Variants in MINDY3 observed in about 807,000 individuals in gnomAD.
The protein encoded by MINDY3 is ubiquitin carboxyl-terminal hydrolase MINDY-3.
Under a neutral mutation model 69.2 loss-of-function variants are expected in MINDY3, and 38 were observed. That is an observed-to-expected ratio of 0.55 (90% CI 0.42 to 0.72). The LOEUF (loss-of-function observed/expected upper bound fraction) is 0.72. MINDY3 is among the 30% of genes least tolerant of loss of function. The pLI is 0.00. For missense variants in MINDY3, 522 were observed against 519.0 expected (o/e 1.01, Z -0.06); for synonymous variants, 192 against 180.1 (o/e 1.07, Z -0.53).
chr10:15,843,251 G>A lies in MINDY3; in HGVS notation c.196C>T (p.Leu66=), dbSNP rs1833605509. The A allele has an allele frequency of 6.2e-7, 1 of 1,612,728 alleles. No individual in the cohort carries two copies. ...PVQAFLLKKL[L]FSSEKSSWRD... ...CAAGAAGACTTCTCCGAAGAAAACA[G>A]GAGCTTCTTCAAAAGAAATGCCTTT... is the stretch of plus-strand genomic sequence containing the variant. Residue 66 remains leucine, a synonymous_variant, in exon 3 of 15, where the codon CTG becomes TTG. Coordinates refer to ENST00000277632, the MANE Select transcript of MINDY3 (RefSeq NM_024948.4).
At chr10:15,781,388 T>G (rs2131816798) in intron 14 of MINDY3, among the ~76,000 whole-genome samples, 1 of 148,352 alleles carries the variant, frequency 6.7e-6, no homozygotes, top group East Asian at 2.0e-4. Flanking sequence ...TAGCTATAAC[T>G]AATACATATA....
chr10:15,837,945 A>G, intron 5 of MINDY3: 1 of 952,248 alleles, frequency 1.1e-6, no homozygotes, highest in Non-Finnish European at 1.3e-6. Flanking sequence ...TTTAGGTCAC[A>G]GAAACATTAA....
intron 8 of MINDY3, among the ~76,000 whole-genome samples, chr10:15,822,335 T>TACACAC (rs147987726): frequency 6.6e-6 from 1 of 151,458 alleles, no homozygotes; most frequent in Non-Finnish European, 1.5e-5. Context: ...GGTCTCTCTG[T>TACACAC]ACACACACAC....
chr10:15,804,550 G>A (rs919451287), intron 10 of MINDY3, among the ~76,000 whole-genome samples: 3 of 152,036 alleles, frequency 2.0e-5, no homozygotes, highest in Admixed American at 6.6e-5. Context: ...CAAGAGCATC[G>A]TCATCTAACT....
chr10:15,815,263 C>G (rs537141705), intron 10 of MINDY3, among the ~76,000 whole-genome samples: 1 of 152,296 alleles, frequency 6.6e-6, no homozygotes, highest in African/African-American at 2.4e-5. Context: ...CAAAAGCTTT[C>G]AAACTAAATG....
chr10:15,829,150 A>G (rs1281182809), intron 8 of MINDY3, among the ~76,000 whole-genome samples: 1 of 152,100 alleles, frequency 6.6e-6, no homozygotes, highest in Admixed American at 6.5e-5. Context: ...GTAAAGCACC[A>G]TAGATGATCA....
intron 10 of MINDY3, among the ~76,000 whole-genome samples, chr10:15,814,921 T>C (rs186046784): frequency 4.6e-5 from 7 of 152,320 alleles, no homozygotes; most frequent in Admixed American, 3.3e-4. Flanking sequence ...CTGTTCCTTG[T>C]ATTATACCTT....
chr10:15,816,285 AAAG>A (rs1379005202), intron 10 of MINDY3, among the ~76,000 whole-genome samples: 123 of 142,296 alleles, frequency 8.6e-4, no homozygotes, highest in African/African-American at 3.2e-3. Context: ...AAAAAATGAA[AAAG>A]AAAAAAAATA....
chr10:15,829,524 A>G (rs1475507580), intron 8 of MINDY3, among the ~76,000 whole-genome samples: 1 of 152,218 alleles, frequency 6.6e-6, no homozygotes, highest in Non-Finnish European at 1.5e-5. Context: ...CTAGTAAAAG[A>G]TTATAAACAT....
chr10:15,843,439 G>T, intron 2 of MINDY3, among the ~76,000 whole-genome samples, 167 bp from the exon 3 acceptor site: 1 of 152,014 alleles, frequency 6.6e-6, no homozygotes, highest in Non-Finnish European at 1.5e-5. Context: ...GAACTGTGCA[G>T]TTATTTATTC....
intron 8 of MINDY3, among the ~76,000 whole-genome samples, chr10:15,822,753 G>C (rs1205767310): frequency 2.0e-5 from 3 of 152,244 alleles, no homozygotes; most frequent in South Asian, 2.1e-4. Context: ...TGGAGATAAA[G>C]ATTTGGGAAT....
chr10:15,798,421 A>G (rs1014076680), intron 10 of MINDY3, among the ~76,000 whole-genome samples: 1 of 151,598 alleles, frequency 6.6e-6, no homozygotes, highest in Non-Finnish European at 1.5e-5. Flanking sequence ...TGTAAAAAGA[A>G]TTTAAAGTAA....
intron 10 of MINDY3, among the ~76,000 whole-genome samples, chr10:15,804,301 A>G (rs1838474160): frequency 6.6e-6 from 1 of 152,070 alleles, no homozygotes; most frequent in South Asian, 2.1e-4. Flanking sequence ...CATGAAACAG[A>G]TATCTCCTTT....
intron 10 of MINDY3, among the ~76,000 whole-genome samples, chr10:15,808,265 G>A (rs974288764): frequency 3.3e-5 from 5 of 152,050 alleles, no homozygotes; most frequent in Non-Finnish European, 5.9e-5. Flanking sequence ...ATTAGATGAG[G>A]CACGAAATCT....
At chr10:15,842,067 A>G (rs1372225064) in intron 3 of MINDY3, among the ~76,000 whole-genome samples, 1 of 151,814 alleles carries the variant, frequency 6.6e-6, no homozygotes, top group East Asian at 1.9e-4. Flanking sequence ...AGAGACCGTC[A>G]GCACATATGT....
intron 10 of MINDY3, among the ~76,000 whole-genome samples, chr10:15,809,505 G>A (rs1420477745): frequency 6.6e-6 from 1 of 152,138 alleles, no homozygotes; most frequent in East Asian, 1.9e-4. Flanking sequence ...GGCACATTCT[G>A]TCTCCATGTA....
At chr10:15,788,673 G>T (rs577583685) in intron 12 of MINDY3, among the ~76,000 whole-genome samples, 1 of 152,032 alleles carries the variant, frequency 6.6e-6, no homozygotes, top group Non-Finnish European at 1.5e-5. Flanking sequence ...AATCTACAGA[G>T]GAAGTTGTAG....
At chr10:15,791,022 C>T (rs552263347) in intron 11 of MINDY3, among the ~76,000 whole-genome samples, 2 of 152,052 alleles carry the variant, frequency 1.3e-5, no homozygotes, top group East Asian at 3.9e-4. Flanking sequence ...TATGATTAAC[C>T]TCAAGCTTAA....
At position 15,823,985 on chromosome 10, in the gene MINDY3, C is replaced by T. The variant is rs1306290633; in HGVS notation, c.731-2259G>A. 2.6e-5 allele frequency among the ~76,000 whole-genome samples: 4 copies of T among 152,088 alleles called. No homozygotes were observed. In the South Asian group the frequency reaches 6.2e-4, roughly 24 times the overall value. On this transcript the variant is annotated intron_variant, in intron 8 of 14. Transcript: ENST00000277632. ...ATACTGCAAATAACAGGATTTCATTCTTTGTTATTGTTTATAGAATTCCAG... is the reference window on the plus strand; with the variant it reads ...ATACTGCAAATAACAGGATTTCATTTTTTGTTATTGTTTATAGAATTCCAG...
Sources: gnomAD v4.1 joint callset for allele counts (sites outside exome capture counted in the v4.1 genomes callset) on GRCh38, gnomAD v4.1.1 for gene constraint, MANE v1.5 for transcripts, NCBI Gene and HGNC (gene_info 2026-07-23, HGNC 2026-07-21) for gene names.